Variants in PRLR observed in about 807,000 individuals in gnomAD.
The protein encoded by PRLR is hPRL receptor.
A neutral mutation model predicts 40.2 loss-of-function variants in PRLR; 13 were observed. The ratio of observed to expected loss-of-function variants is 0.32; its 90% CI spans 0.21 to 0.51. The LOEUF (loss-of-function observed/expected upper bound fraction) is 0.51, where lower values mean the gene tolerates loss of function less well. Ranked by LOEUF, PRLR falls within the 20% of genes least tolerant of loss-of-function variation. The probability of loss-of-function intolerance (pLI) is 0.97; values close to 1 mark genes in which losing one functional copy is unlikely to be tolerated. For missense variants in PRLR, 656 were observed against 747.3 expected (o/e 0.88, Z 1.42); for synonymous variants, 269 against 278.7 (o/e 0.97, Z 0.35).
intron 1 of PRLR, among the ~76,000 whole-genome samples, chr5:35,225,657 A>G (rs1018962006): frequency 6.6e-6 from 1 of 152,262 alleles, no homozygotes; most frequent in Non-Finnish European, 1.5e-5. Context: ...CACACAATCA[A>G]TATAAAAATT....
At chr5:35,055,074 AG>A (rs1262212134), downstream of PRLR, among the ~76,000 whole-genome samples, 1 of 152,226 alleles carries the variant, frequency 6.6e-6, no homozygotes, top group Non-Finnish European at 1.5e-5. Flanking sequence ...TATATGTTCA[AG>A]TATTTGTGAA....
chr5:35,075,243 G>A (rs376227160), intron 5 of PRLR, among the ~76,000 whole-genome samples: 3 of 152,176 alleles, frequency 2.0e-5, no homozygotes, highest in Admixed American at 6.5e-5. Flanking sequence ...GCAGGTCATT[G>A]TCTCACCCGG....
At chr5:35,082,778 G>A (rs766526608) in intron 5 of PRLR, among the ~76,000 whole-genome samples, 11 of 152,236 alleles carry the variant, frequency 7.2e-5, no homozygotes, top group South Asian at 2.1e-4. Context: ...ATGAACTTCC[G>A]TGGCCTGTCC....
chr5:35,080,344 A>G (rs1770423186), intron 5 of PRLR, among the ~76,000 whole-genome samples: 1 of 152,222 alleles, frequency 6.6e-6, no homozygotes, highest in Non-Finnish European at 1.5e-5. Context: ...CGTTTACAAG[A>G]AAAAAATCAA....
At position 35,135,975 on chromosome 5, in the gene PRLR, T is replaced by G. The variant is rs1016498847; in HGVS notation, c.-105-17853A>C. ...GATTCCTTACCTTCGGAATTCGAACTGGGAAATATGGCCACGATAAGAAAG... is the reference window on the plus strand; with the variant it reads ...GATTCCTTACCTTCGGAATTCGAACGGGGAAATATGGCCACGATAAGAAAG... On this transcript the variant is annotated intron_variant, in intron 1 of 9. Transcript: ENST00000618457. Among the ~76,000 whole-genome samples, 9 of 152,114 alleles carry G rather than the reference T, an allele frequency of 5.9e-5. 1 individual carries two copies. The highest frequency in any genetic ancestry group is 8.8e-5 in the Non-Finnish European group (6 of 68,026).
chr5:35,092,867 T>C (rs37383), intron 2 of PRLR, among the ~76,000 whole-genome samples: 39,537 of 152,052 alleles, frequency 0.26, 9,168 homozygotes, highest in African/African-American at 0.62. Flanking sequence ...ACACCTTGCC[T>C]GTGGCTAGCT....
chr5:35,195,379 TG>T (rs1340424275), intron 1 of PRLR: 6 of 152,332 alleles, frequency 3.9e-5, no homozygotes, highest in African/African-American at 1.4e-4. Context: ...GTTAATACGC[TG>T]TCTCCATGCT....
At chr5:35,167,914 T>C (rs2111931217) in intron 1 of PRLR, among the ~76,000 whole-genome samples, 2 of 152,024 alleles carry the variant, frequency 1.3e-5, no homozygotes, top group Non-Finnish European at 2.9e-5. Context: ...GAAAAAGAAA[T>C]ACTAAGATGG....
chr5:35,107,148 G>T (rs892407658), intron 2 of PRLR, among the ~76,000 whole-genome samples: 11 of 152,148 alleles, frequency 7.2e-5, no homozygotes, highest in Admixed American at 3.3e-4. Flanking sequence ...AGTAAATGAA[G>T]GCAGAAAGAA....
intron 1 of PRLR, among the ~76,000 whole-genome samples, chr5:35,220,536 A>C (rs1776389361): frequency 6.6e-6 from 1 of 152,106 alleles, no homozygotes; most frequent in Admixed American, 6.5e-5. Context: ...AGTACTGACT[A>C]ATTTATTGGG....
chr5:35,221,828 A>G (rs36095564), intron 1 of PRLR, among the ~76,000 whole-genome samples: 16,621 of 152,182 alleles, frequency 0.11, 993 homozygotes, highest in East Asian at 0.16. Context: ...TGAGACAGAG[A>G]AAAGAAAACC....
At chr5:35,184,616 C>T (rs1031088912) in intron 1 of PRLR, among the ~76,000 whole-genome samples, 4 of 152,192 alleles carry the variant, frequency 2.6e-5, no homozygotes, top group Admixed American at 1.3e-4. Context: ...TGCATGGGAT[C>T]CATTGCACCA....
chr5:35,217,721 C>T (rs1579813056), intron 1 of PRLR, among the ~76,000 whole-genome samples: 1 of 152,040 alleles, frequency 6.6e-6, no homozygotes, highest in African/African-American at 2.4e-5. Context: ...TTAAACCATG[C>T]ATAAAAATAA....
Position 35,059,012 on chromosome 5 carries a change from T to C in PRLR, c.*6077A>G, listed in dbSNP as rs1415447289. Reference sequence around the variant, plus strand: ...CATAAAACAAATTATTTTTCAGCGGTATCTTCGCCATATAGTTTTTCAGAT... The same window carrying C: ...CATAAAACAAATTATTTTTCAGCGGCATCTTCGCCATATAGTTTTTCAGAT... On this transcript the variant is annotated 3_prime_UTR_variant, in exon 10 of 10. Transcript: ENST00000618457. The C allele has an allele frequency of 3.3e-5, 5 of 152,230 alleles. No individual in the cohort carries two copies. The highest frequency in any genetic ancestry group is 6.5e-5 in the Admixed American group (1 of 15,280). The allele number at this position is 152,230 out of a possible 1,614,324, so 9.4% of individuals were successfully genotyped here.
At chr5:35,051,933 T>C (rs1400857451), downstream of PRLR, among the ~76,000 whole-genome samples, 1 of 152,192 alleles carries the variant, frequency 6.6e-6, no homozygotes, top group Non-Finnish European at 1.5e-5. Context: ...AAATAGGTTT[T>C]AAGACAAACG....
At chr5:35,072,357 T>C (rs1200692252) in intron 6 of PRLR, among the ~76,000 whole-genome samples, 1 of 152,162 alleles carries the variant, frequency 6.6e-6, no homozygotes, top group Non-Finnish European at 1.5e-5. Context: ...GTCAAGTGTC[T>C]GAGCAGTACA....
intron 1 of PRLR, among the ~76,000 whole-genome samples, chr5:35,191,668 C>T (rs1400407241): frequency 6.6e-6 from 1 of 152,166 alleles, no homozygotes; most frequent in Non-Finnish European, 1.5e-5. Context: ...GCCTCAAAGA[C>T]CATCTTTAGA....
At chr5:35,087,045 G>A (rs1770899919) in intron 3 of PRLR, among the ~76,000 whole-genome samples, 1 of 152,012 alleles carries the variant, frequency 6.6e-6, no homozygotes, top group African/African-American at 2.4e-5. Context: ...CCAGGCTGGA[G>A]TGCAGTGGTG....
intron 2 of PRLR, among the ~76,000 whole-genome samples, chr5:35,095,006 T>A (rs1262230782): frequency 1.3e-5 from 2 of 152,150 alleles, no homozygotes; most frequent in South Asian, 2.1e-4. Context: ...TTTTTGTATA[T>A]TCTGCAGTGA....
Sources: gnomAD v4.1 joint callset for allele counts (sites outside exome capture counted in the v4.1 genomes callset) on GRCh38, gnomAD v4.1.1 for gene constraint, MANE v1.5 for transcripts, NCBI Gene and HGNC (gene_info 2026-07-23, HGNC 2026-07-21) for gene names.